The following ADAM23 variants were observed in gnomAD, a reference collection of about 807,000 sequenced individuals.
The protein encoded by ADAM23 is disintegrin and metalloproteinase domain-containing protein 23.
A neutral mutation model predicts 120.1 loss-of-function variants in ADAM23; 33 were observed. The ratio of observed to expected loss-of-function variants is 0.27; its 90% CI spans 0.21 to 0.37. The LOEUF (loss-of-function observed/expected upper bound fraction) is 0.37, where lower values mean the gene tolerates loss of function less well. Among genes scored for constraint, ADAM23 ranks in the 10% least tolerant of loss-of-function variants. The pLI is 1.00. For synonymous variants in ADAM23, 367 were observed against 375.2 expected (o/e 0.98, Z 0.25); for missense variants, 862 against 1,058.2 (o/e 0.81, Z 2.57).
At chr2:206,444,999 C>G (rs1574470898) in intron 1 of ADAM23, among the ~76,000 whole-genome samples, 1 of 19,070 alleles carries the variant, frequency 5.2e-5, no homozygotes, top group African/African-American at 1.4e-4. Context: ...GTTCATTCTA[C>G]CCCCCCCCCA....
At chr2:206,484,656 C>CA (rs1695969405) in intron 3 of ADAM23, among the ~76,000 whole-genome samples, 1 of 152,014 alleles carries the variant, frequency 6.6e-6, no homozygotes, top group Non-Finnish European at 1.5e-5. Flanking sequence ...GAACTGGGGA[C>CA]AAATGGAGGT....
chr2:206,509,689 T>A (rs947536111), intron 3 of ADAM23, among the ~76,000 whole-genome samples: 1 of 152,236 alleles, frequency 6.6e-6, no homozygotes, highest in Non-Finnish European at 1.5e-5. Context: ...CCTCAGGTGA[T>A]CCGCCGGCCT....
chr2:206,609,738 C>T (rs1161397854), intron 24 of ADAM23, 172 bp from the exon 25 acceptor site: 15 of 555,476 alleles, frequency 2.7e-5, no homozygotes, highest in Admixed American at 4.1e-5. Flanking sequence ...ATCCAAGCAA[C>T]GCTCACCGTA....
At chr2:206,502,207 CAG>C (rs1696402674) in intron 3 of ADAM23, among the ~76,000 whole-genome samples, 2 of 152,100 alleles carry the variant, frequency 1.3e-5, no homozygotes, top group South Asian at 4.1e-4. Context: ...CGATTGAAAA[CAG>C]GGCATGCTGT....
intron 9 of ADAM23, among the ~76,000 whole-genome samples, chr2:206,556,265 A>G (rs1006818116): frequency 6.6e-6 from 1 of 152,172 alleles, no homozygotes; most frequent in Non-Finnish European, 1.5e-5. Flanking sequence ...TAAACATTAG[A>G]TATGTAAACA....
At chr2:206,507,436 T>A (rs1696518178) in intron 3 of ADAM23, among the ~76,000 whole-genome samples, 1 of 152,150 alleles carries the variant, frequency 6.6e-6, no homozygotes. Flanking sequence ...TTCCTCCTGC[T>A]CTGGCCATGT....
At chr2:206,486,986 T>C (rs892179775) in intron 3 of ADAM23, among the ~76,000 whole-genome samples, 6 of 152,242 alleles carry the variant, frequency 3.9e-5, no homozygotes, top group Admixed American at 2.0e-4. Flanking sequence ...CTTTTGTGAC[T>C]GACCTCTTTT....
chr2:206,443,978 C>G lies in ADAM23; in HGVS notation c.112C>G (p.Pro38Ala). 7.3e-7 allele frequency: 1 copy of G among 1,372,016 alleles called. No individual in the cohort carries two copies. Among genetic ancestry groups the G allele is most frequent in the Non-Finnish European group, 9.4e-7 (1 of 1,058,794 alleles). 85.0% of individuals were successfully genotyped at this position (1,372,016 alleles called of 1,614,324 possible). ...CGCCGGCTCGGTGCCTGCCAGCGCC[C>G]CGGCCCGCACGCCGCCCTGCCGCCT... ...GPAGSVPASA[P>A]ARTPPCRLLL... The change falls in exon 1 of 26, where the codon CCG becomes GCG. Residue 38 changes from proline to alanine, a missense_variant. By Grantham distance (27) the Pro-to-Ala change is conservative (BLOSUM62 -1). Around this residue, in one of 4 missense-constraint regions of ADAM23, gnomAD observed 225 missense variants for 204.0 expected, o/e 1.10. Transcript: ENST00000264377.
chr2:206,520,830 A>G (rs1320366529), intron 3 of ADAM23, among the ~76,000 whole-genome samples: 1 of 152,022 alleles, frequency 6.6e-6, no homozygotes, highest in African/African-American at 2.4e-5. Context: ...CTTTCCTTTG[A>G]AAGTCCTACC....
At chr2:206,522,100 A>T (rs745778103) in intron 3 of ADAM23, among the ~76,000 whole-genome samples, 28 of 150,988 alleles carry the variant, frequency 1.9e-4, no homozygotes, top group Non-Finnish European at 2.9e-4. Flanking sequence ...ATCCAAGTTT[A>T]TTCATAGGTT....
chr2:206,530,861 C>T, intron 3 of ADAM23, 24 bp from the exon 4 acceptor site: 2 of 1,605,570 alleles, frequency 1.2e-6, no homozygotes, highest in African/African-American at 1.3e-5. Flanking sequence ...ATGCAGAAAT[C>T]ACTCTATTTT....
chr2:206,612,562 A>C (rs1228527496), intron 25 of ADAM23, among the ~76,000 whole-genome samples: 2 of 152,230 alleles, frequency 1.3e-5, no homozygotes. Flanking sequence ...GATTAAAGGA[A>C]AATACAGTAA....
At chr2:206,563,825 G>A (rs1697820699) in intron 13 of ADAM23, among the ~76,000 whole-genome samples, 1 of 151,574 alleles carries the variant, frequency 6.6e-6, no homozygotes, top group South Asian at 2.1e-4. Flanking sequence ...CACCTCCTGG[G>A]TTCATGCCAT....
At chr2:206,568,198 G>T (rs941969460) in intron 15 of ADAM23, among the ~76,000 whole-genome samples, 14 of 152,032 alleles carry the variant, frequency 9.2e-5, no homozygotes, top group African/African-American at 2.9e-4. Context: ...ATCACCCAAG[G>T]TATTTATGGA....
At chr2:206,608,702 G>A (rs149092779) in intron 24 of ADAM23, among the ~76,000 whole-genome samples, 2 of 152,124 alleles carry the variant, frequency 1.3e-5, no homozygotes, top group East Asian at 3.9e-4. Context: ...TATTGCAGCT[G>A]TCCTCTACCT....
At chr2:206,562,765 A>G (rs1697793197) in intron 13 of ADAM23, among the ~76,000 whole-genome samples, 1 of 152,236 alleles carries the variant, frequency 6.6e-6, no homozygotes, top group Non-Finnish European at 1.5e-5. Flanking sequence ...AAGGCTTTGC[A>G]AGGGAAGACC....
chr2:206,560,701 C>A (rs1169158052), intron 11 of ADAM23, among the ~76,000 whole-genome samples: 2 of 152,210 alleles, frequency 1.3e-5, no homozygotes, highest in Non-Finnish European at 2.9e-5. Flanking sequence ...CTCTAAGGTT[C>A]TGTCCTGGAA....
At chr2:206,453,868 G>A (rs1695244091) in intron 2 of ADAM23, among the ~76,000 whole-genome samples, 1 of 152,216 alleles carries the variant, frequency 6.6e-6, no homozygotes, top group East Asian at 1.9e-4. Flanking sequence ...AAAGAATATA[G>A]AGAGGCTAAT....
chr2:206,577,593 C>T (rs1698140014), intron 18 of ADAM23, among the ~76,000 whole-genome samples: 1 of 141,528 alleles, frequency 7.1e-6, no homozygotes, highest in Non-Finnish European at 1.5e-5. Context: ...GACATGAACT[C>T]ATCATTTTTC....
Sources: gnomAD v4.1 joint callset for allele counts (sites outside exome capture counted in the v4.1 genomes callset) on GRCh38, gnomAD v4.1.1 for gene constraint, gnomAD v4.1.1 regional missense constraint, MANE v1.5 for transcripts, NCBI Gene and HGNC (gene_info 2026-07-23, HGNC 2026-07-21) for gene names.